The following MAP4K3 variants were observed in gnomAD, a reference collection of about 807,000 sequenced individuals.
The protein encoded by MAP4K3 is mitogen-activated protein kinase kinase kinase kinase 3, also known as MAPK/ERK kinase kinase kinase 3.
MAP4K3 carries 94 observed loss-of-function variants against 143.5 expected under a neutral mutation model. The observed-to-expected ratio is 0.65, with a 90% confidence interval of 0.55 to 0.78. MAP4K3 has a LOEUF of 0.78. Among genes scored for constraint, MAP4K3 ranks in the 30% least tolerant of loss-of-function variants. The pLI, the probability that MAP4K3 is intolerant of heterozygous loss-of-function variation, is 0.00. For synonymous variants in MAP4K3, 416 were observed against 347.2 expected, an observed-to-expected ratio of 1.20 and a Z score of -2.20; for missense variants, 1,077 against 1,068.1, an observed-to-expected ratio of 1.01 and a Z score of -0.12.
chr2:39,318,033 G>A (rs1330299445), intron 12 of MAP4K3, among the ~76,000 whole-genome samples: 2 of 152,080 alleles, frequency 1.3e-5, no homozygotes, highest in South Asian at 2.1e-4. Flanking sequence ...ACAGTAGACT[G>A]AATAAAGAAA....
At chr2:39,363,707 GTGA>G (rs1352771220) in intron 2 of MAP4K3, among the ~76,000 whole-genome samples, 1 of 151,014 alleles carries the variant, frequency 6.6e-6, no homozygotes, top group Non-Finnish European at 1.5e-5. Flanking sequence ...GGTTGAATGG[GTGA>G]TGGATATATG....
chr2:39,301,840 T>A lies in MAP4K3; in HGVS notation c.1120-2039A>T, dbSNP rs188890549. Among the ~76,000 whole-genome samples the A allele has an allele frequency of 3.6e-3, 545 of 152,042 alleles. 4 individuals carry two copies. The highest frequency in any genetic ancestry group is 4.8e-3 in the Non-Finnish European group (325 of 67,980). On this transcript the variant is annotated intron_variant, in intron 15 of 33. Transcript: ENST00000263881. ...GAGGTCGAGATCATCCTGGCCAACATGATGAAACCCTGTCTCTACTAAAAA... is the reference window on the plus strand; with the variant it reads ...GAGGTCGAGATCATCCTGGCCAACAAGATGAAACCCTGTCTCTACTAAAAA...
intron 27 of MAP4K3, among the ~76,000 whole-genome samples, chr2:39,266,065 A>G (rs1360086826): frequency 2.0e-5 from 3 of 152,212 alleles, no homozygotes; most frequent in African/African-American, 7.2e-5. Flanking sequence ...AAGAAAACAG[A>G]GAAGTCTATA....
At chr2:39,338,430 C>A (rs953677789) in intron 4 of MAP4K3, among the ~76,000 whole-genome samples, 2 of 151,776 alleles carry the variant, frequency 1.3e-5, no homozygotes, top group African/African-American at 2.4e-5. Flanking sequence ...TTAAAGGTCT[C>A]TTCTTTATCC....
At chr2:39,354,137 C>T (rs942830705) in intron 3 of MAP4K3, among the ~76,000 whole-genome samples, 1 of 152,018 alleles carries the variant, frequency 6.6e-6, no homozygotes, top group Non-Finnish European at 1.5e-5. Context: ...GGTGAAACAC[C>T]GTCTCTACTA....
chr2:39,293,858 C>G (rs1682157951), intron 16 of MAP4K3: 1 of 153,296 alleles, frequency 6.5e-6, no homozygotes. Context: ...GATTTGTTCT[C>G]CAGTGGTGCA....
intron 26 of MAP4K3, 64 bp downstream of exon 26, chr2:39,272,219 G>T: frequency 7.9e-7 from 1 of 1,263,978 alleles, no homozygotes; most frequent in Non-Finnish European, 1.1e-6. Context: ...TTCACTTTCT[G>T]TAACATAAAT....
At chr2:39,414,431 G>A (rs946086173) in intron 1 of MAP4K3, among the ~76,000 whole-genome samples, 4 of 152,136 alleles carry the variant, frequency 2.6e-5, no homozygotes, top group Non-Finnish European at 5.9e-5. Context: ...ATAATGTTAG[G>A]CAAATTTTTT....
At chr2:39,262,870 T>C (rs1680621161) in intron 28 of MAP4K3, among the ~76,000 whole-genome samples, 1 of 152,086 alleles carries the variant, frequency 6.6e-6, no homozygotes, top group African/African-American at 2.4e-5. Flanking sequence ...TTTGGGAGTA[T>C]GACGCGGGTG....
In MAP4K3 at chr2:39,326,554, G is replaced by A. The variant is rs754904660; in HGVS notation, c.531-277C>T. Among the ~76,000 whole-genome samples the A allele has an allele frequency of 4.6e-4, 70 of 152,080 alleles. 1 individual carries two copies. Among genetic ancestry groups the A allele is most frequent in the Admixed American group, 1.8e-3 (27 of 15,264 alleles). ...ACGAGACTTTGGATTTGGACTTCTG[G>A]GTTAATGCTGGAATGAGTTAAGACT... On this transcript the variant is annotated intron_variant, in intron 8 of 33. Coordinates refer to ENST00000263881, the MANE Select transcript of MAP4K3 (RefSeq NM_003618.4).
At chr2:39,369,956 G>C (rs950593610) in intron 2 of MAP4K3, among the ~76,000 whole-genome samples, 2 of 152,190 alleles carry the variant, frequency 1.3e-5, no homozygotes, top group Admixed American at 6.5e-5. Context: ...TCCGTAGTTA[G>C]GCTGCTACTT....
At chr2:39,411,479 A>G (rs928611931) in intron 1 of MAP4K3, among the ~76,000 whole-genome samples, 1 of 152,188 alleles carries the variant, frequency 6.6e-6, no homozygotes, top group African/African-American at 2.4e-5. Flanking sequence ...AGCTAATCAC[A>G]TGCCAGGTAT....
At chr2:39,402,274 G>A (rs1666972220) in intron 1 of MAP4K3, among the ~76,000 whole-genome samples, 1 of 152,134 alleles carries the variant, frequency 6.6e-6, no homozygotes, top group Admixed American at 6.5e-5. Flanking sequence ...TGAACAGAGA[G>A]CATCAGTTAG....
intron 1 of MAP4K3, among the ~76,000 whole-genome samples, chr2:39,402,867 T>G (rs896595420): frequency 6.7e-6 from 1 of 150,316 alleles, no homozygotes; most frequent in African/African-American, 2.4e-5. Flanking sequence ...AGTAGAGACA[T>G]GACATCACTA....
At chr2:39,391,639 G>C (rs1269495915) in intron 1 of MAP4K3, among the ~76,000 whole-genome samples, 1 of 152,110 alleles carries the variant, frequency 6.6e-6, no homozygotes, top group Admixed American at 6.5e-5. Flanking sequence ...ACAGTGCCTG[G>C]AAGACAACAG....
intron 2 of MAP4K3, among the ~76,000 whole-genome samples, chr2:39,370,459 T>C (rs912194356): frequency 4.6e-5 from 7 of 152,092 alleles, no homozygotes; most frequent in African/African-American, 1.7e-4. Flanking sequence ...TGATGAAAGA[T>C]AAGGAGGCAG....
chr2:39,262,202 AC>A (rs1242113256), intron 28 of MAP4K3, among the ~76,000 whole-genome samples: 1 of 152,220 alleles, frequency 6.6e-6, no homozygotes, highest in Non-Finnish European at 1.5e-5. Context: ...AAAAGGTGCA[AC>A]GGGGGATATC....
chr2:39,292,739 T>A (rs1359971456), intron 18 of MAP4K3, 34 bp downstream of exon 18: 1 of 1,582,454 alleles, frequency 6.3e-7, no homozygotes, highest in African/African-American at 1.3e-5. Context: ...AAATGACACC[T>A]TTTCTTTTTA....
intron 12 of MAP4K3, among the ~76,000 whole-genome samples, chr2:39,322,096 C>T (rs1683329051): frequency 6.6e-6 from 1 of 152,258 alleles, no homozygotes; most frequent in African/African-American, 2.4e-5. Context: ...CGAGAAACAC[C>T]CACAGGTGTG....
Sources: allele counts gnomAD v4.1 joint callset (sites outside exome capture counted in the v4.1 genomes callset), GRCh38; gene constraint gnomAD v4.1.1; transcripts MANE v1.5; gene names NCBI Gene and HGNC (gene_info 2026-07-23, HGNC 2026-07-21).